CCDC9: variants seen among roughly 807,000 people sequenced by gnomAD.
CCDC9 encodes coiled-coil domain containing 9.
A neutral mutation model predicts 65.6 loss-of-function variants in CCDC9; 52 were observed. The observed-to-expected ratio is 0.79, with a 90% CI of 0.63 to 1.00. CCDC9 has a LOEUF of 1.00. Among genes scored for constraint, CCDC9 ranks in the 50% least tolerant of loss-of-function variants. The pLI is 0.00. For missense variants in CCDC9, 834 were observed against 757.2 expected (o/e 1.10, Z -1.19); for synonymous variants, 332 against 280.3 (o/e 1.18, Z -1.84).
At chr19:47,275,231 ACCCCAG>A (rs907999420), downstream of CCDC9, 22 of 1,531,262 alleles carry the variant, frequency 1.4e-5, no homozygotes, top group African/African-American at 3.1e-4. Flanking sequence ...GCGGGCCGCG[ACCCCAG>A]CTCCAGCTGC....
rs995210078 is a variant in CCDC9 at position 47,270,993 on chromosome 19, A to G, written c.1086-89A>G. 3.1e-6 allele frequency: 3 copies of G among 959,530 alleles called. No individual in the cohort carries two copies. The African/African-American group carries it at 5.0e-5, about 16-fold the overall frequency. The allele number at this position is 959,530 out of a possible 1,614,324, so 59.4% of individuals were successfully genotyped here. A position where few individuals can be genotyped will look rare whatever the true frequency, so the allele number is the denominator to read the frequency against. ...CTCCACCATGCCAGATGCTCTGGGC[A>G]GCTCCTCCCTAGGGAGGGTGGAGGC... On this transcript the variant is annotated intron_variant, in intron 10 of 11. Coordinates refer to ENST00000221922, the MANE Select transcript of CCDC9 (RefSeq NM_015603.3).
In CCDC9 at chr19:47,271,324, A is replaced by C. The variant is rs771224655; in HGVS notation, c.1242A>C (p.Glu414Asp). 6.2e-7 allele frequency: 1 copy of C among 1,612,352 alleles called. No homozygotes were observed. The highest frequency in any genetic ancestry group is 8.5e-7 in the Non-Finnish European group (1 of 1,179,220). ...PAHRPPEDEG[E>D]ENEGEEDEEW... The stretch of plus-strand genomic sequence containing the variant: ...ACCGGCCTCCTGAAGACGAGGGGGA[A>C]GAGAATGAGGGGGAAGAGGATGAAG... The change falls in exon 12 of 12, where the codon GAA becomes GAC. Residue 414 changes from glutamate to aspartate, a missense_variant. By Grantham distance (45) the Glu-to-Asp change is conservative. Coordinates refer to ENST00000221922, the MANE Select transcript of CCDC9 (RefSeq NM_015603.3).
At position 47,266,593 on chromosome 19, in the gene CCDC9, C is replaced by T; in HGVS notation, c.721-18C>T. 2 of 1,506,430 alleles carry T rather than the reference C, an allele frequency of 1.3e-6. No individual in the cohort carries two copies. The highest frequency in any genetic ancestry group is 8.9e-7 in the Non-Finnish European group (1 of 1,120,724). 93.3% of individuals were successfully genotyped at this position (1,506,430 alleles called of 1,614,324 possible). A position where few individuals can be genotyped will look rare whatever the true frequency, so the allele number is the denominator to read the frequency against. On this transcript the variant is annotated intron_variant, in intron 7 of 11. Transcript: ENST00000221922. ...GGGTGCGGGACATCACCCTGACTCC[C>T]TGTGGGCTGGGGGGCAGGGCCGCCG...
intron 5 of CCDC9, among the ~76,000 whole-genome samples, chr19:47,263,292 C>T (rs1226680865): frequency 6.6e-6 from 1 of 152,032 alleles, no homozygotes; most frequent in Non-Finnish European, 1.5e-5. Flanking sequence ...CAGTGGTTTG[C>T]TAGAAAGACT....
downstream of CCDC9, chr19:47,275,382 C>G (rs761642150): frequency 3.3e-6 from 5 of 1,526,908 alleles, no homozygotes; most frequent in African/African-American, 2.9e-5. Context: ...ATCGCCAGCC[C>G]TCGAGAGCTC....
Position 47,260,774 on chromosome 19 carries a change from C to G in CCDC9, c.397C>G (p.Arg133Gly). 1 of 1,612,174 alleles carries G rather than the reference C, an allele frequency of 6.2e-7. No homozygotes were observed. The highest frequency in any genetic ancestry group is 1.1e-5 in the South Asian group (1 of 90,982). ...AGCTGGGGGCCGTGGCCGGAGGGGC[C>G]GGGGCCGAGGTTCACCTCACCTCTC... ...GGAGGRGRRG[R>G]GRGSPHLSGA... Residue 133 changes from arginine (R) to glycine (G), a missense_variant, in exon 5 of 12, where the codon CGG becomes GGG. By Grantham distance (125) the Arg-to-Gly change is moderately radical. Coordinates refer to ENST00000221922, the MANE Select transcript of CCDC9 (RefSeq NM_015603.3).
rs565970591 is a variant in CCDC9 at position 47,256,536 on chromosome 19, C to G, written c.-145C>G. On this transcript the variant is annotated 5_prime_UTR_variant, in exon 1 of 12. Coordinates refer to ENST00000221922, the MANE Select transcript of CCDC9 (RefSeq NM_015603.3). ...CACGTGGTGCAGGCAGGAAGTGACGCGCCTGGCCCGGGAGCTGCGGTCGCA... is the reference window on the plus strand; with the variant it reads ...CACGTGGTGCAGGCAGGAAGTGACGGGCCTGGCCCGGGAGCTGCGGTCGCA... The G allele has an allele frequency of 6.6e-6, 1 of 152,490 alleles. No homozygotes were observed. Among genetic ancestry groups the G allele is most frequent in the Non-Finnish European group, 1.5e-5 (1 of 68,228 alleles). The allele number at this position is 152,490 out of a possible 1,614,324, so 9.4% of individuals were successfully genotyped here.
At chr19:47,267,089 C>T (rs200302406) in intron 8 of CCDC9, among the ~76,000 whole-genome samples, 45 of 151,628 alleles carry the variant, frequency 3.0e-4, no homozygotes, top group East Asian at 3.9e-4. Context: ...CTCAGCCTCC[C>T]GAATAGCTGG....
chr19:47,264,574 G>A, intron 5 of CCDC9, 29 bp from the exon 6 acceptor site: 2 of 1,561,332 alleles, frequency 1.3e-6, no homozygotes, highest in Non-Finnish European at 8.7e-7. Flanking sequence ...TCTCCCTGAA[G>A]CTGGGTGTCC....
Position 47,271,524 on chromosome 19 carries a change from A to G in CCDC9, c.1442A>G (p.Gln481Arg). 6.2e-7 allele frequency: 1 copy of G among 1,612,824 alleles called. No homozygotes were observed. The highest frequency in any genetic ancestry group is 8.5e-7 in the Non-Finnish European group (1 of 1,179,808). Residue 481 changes from glutamine (Q) to arginine (R), a missense_variant, in exon 12 of 12, where the codon CAG (glutamine) becomes CGG (arginine). Coordinates refer to ENST00000221922, the MANE Select transcript of CCDC9 (RefSeq NM_015603.3). Reference sequence around the variant, plus strand: ...CCGGAGGAGCCCCTGCTGGAGCCCCAGGCCCCTGGCACGCCTTCCAGCCCT... The same window carrying G: ...CCGGAGGAGCCCCTGCTGGAGCCCCGGGCCCCTGGCACGCCTTCCAGCCCT... The part of the protein sequence containing the change: ...FSPEEPLLEP[Q>R]APGTPSSPFS...
At position 47,260,670 on chromosome 19, in the gene CCDC9, A is replaced by G. The variant is rs767997819; in HGVS notation, c.293A>G (p.Gln98Arg). Reference sequence around the variant, plus strand: ...AGCAAGGGGGGCCGGACTCCTCCACAGCAGGGAGGCCGGGCCGGCATGGGC... The same window carrying G: ...AGCAAGGGGGGCCGGACTCCTCCACGGCAGGGAGGCCGGGCCGGCATGGGC... ...GASKGGRTPP[Q>R]QGGRAGMGRA... The change falls in exon 5 of 12, where the codon CAG becomes CGG. Residue 98 changes from glutamine (Q) to arginine (R), a missense_variant. Physicochemically the swap from Gln to Arg is conservative, Grantham distance 43. Transcript: ENST00000221922. 8.5e-6 allele frequency: 13 copies of G among 1,538,012 alleles called. No individual in the cohort carries two copies. The Admixed American group carries it at 2.5e-4, about 30-fold the overall frequency.
chr19:47,266,587 G>C lies in CCDC9; in HGVS notation c.721-24G>C, dbSNP rs757067315. 17 of 1,499,374 alleles carry C rather than the reference G, an allele frequency of 1.1e-5. No individual in the cohort carries two copies. In the African/African-American group the frequency reaches 2.4e-4, roughly 21 times the overall value. 92.9% of individuals were successfully genotyped at this position (1,499,374 alleles called of 1,614,324 possible). A position where few individuals can be genotyped will look rare whatever the true frequency, so the allele number is the denominator to read the frequency against. On this transcript the variant is annotated intron_variant, in intron 7 of 11. Transcript: ENST00000221922. ...GGGGTAGGGTGCGGGACATCACCCT[G>C]ACTCCCTGTGGGCTGGGGGGCAGGG...
At position 47,260,649 on chromosome 19, in the gene CCDC9, A is replaced by G; in HGVS notation, c.272A>G (p.Lys91Arg). 6 of 1,524,284 alleles carry G rather than the reference A, an allele frequency of 3.9e-6. No homozygotes were observed. Among genetic ancestry groups the G allele is most frequent in the Non-Finnish European group, 5.2e-6 (6 of 1,144,960 alleles). The allele number at this position is 1,524,284 out of a possible 1,614,324, so 94.4% of individuals were successfully genotyped here. A position where few individuals can be genotyped will look rare whatever the true frequency, so the allele number is the denominator to read the frequency against. ...ACCCCTCGGCCCCCAGGGGCCAGCA[A>G]GGGGGGCCGGACTCCTCCACAGCAG... ...PGTPRPPGAS[K>R]GGRTPPQQGG... Residue 91 changes from lysine to arginine, a missense_variant, in exon 5 of 12, where the codon AAG (lysine) becomes AGG (arginine). By Grantham distance (26) the Lys-to-Arg change is conservative. Coordinates refer to ENST00000221922, the MANE Select transcript of CCDC9 (RefSeq NM_015603.3).
chr19:47,270,497 CAG>C lies in CCDC9; in HGVS notation c.949+45_949+46del, dbSNP rs147599888. On this transcript the variant is annotated intron_variant, in intron 9 of 11. Transcript: ENST00000221922. ...ATGAGCTGAGGCTCGGTCTGGGAGT[CAG>C]GGGTGGTGTGTGCCACACCTTCCCT... 6.0e-5 allele frequency: 97 copies of C among 1,614,160 alleles called. No homozygotes were observed. In the East Asian group the frequency reaches 1.7e-3, roughly 29 times the overall value.
intron 3 of CCDC9, among the ~76,000 whole-genome samples, chr19:47,259,285 G>A (rs2059030132): frequency 6.6e-6 from 1 of 152,154 alleles, no homozygotes; most frequent in South Asian, 2.1e-4. Context: ...ATGCCACCAG[G>A]ATGAGTTTGG....
downstream of CCDC9, chr19:47,274,671 T>A (rs2059144756): frequency 2.3e-5 from 4 of 173,144 alleles, no homozygotes; most frequent in East Asian, 4.0e-4. Context: ...GTGGTGGGGC[T>A]AAGCGCGGGG....
chr19:47,270,083 C>T (rs549432870), intron 8 of CCDC9, among the ~76,000 whole-genome samples: 1 of 151,692 alleles, frequency 6.6e-6, no homozygotes, highest in African/African-American at 2.4e-5. Flanking sequence ...ATCCTCCCTC[C>T]TCAGCCTCCC....
rs770602056 is a variant in CCDC9, at chr19:47,260,866, C to T, written c.462+27C>T. 5.0e-6 allele frequency: 8 copies of T among 1,594,248 alleles called. No homozygotes were observed. In the South Asian group the frequency reaches 5.6e-5, roughly 11 times the overall value. ...TAGGAGCTAGGCAGCGCCTGGAGCC[C>T]TGGCTGAGGTTCTCTGTTGTCTGTT... is the stretch of plus-strand genomic sequence containing the variant. On this transcript the variant is annotated intron_variant, in intron 5 of 11. Transcript: ENST00000221922.
intron 3 of CCDC9, 65 bp from the exon 4 acceptor site, chr19:47,260,256 G>T (rs1313156544): frequency 8.4e-7 from 1 of 1,187,950 alleles, no homozygotes; most frequent in South Asian, 1.3e-5. Flanking sequence ...GGAGTTCAGG[G>T]GTCTGGGAGT....
Sources: allele counts gnomAD v4.1 joint callset (sites outside exome capture counted in the v4.1 genomes callset), GRCh38; gene constraint gnomAD v4.1.1; transcripts MANE v1.5; gene names NCBI Gene and HGNC (gene_info 2026-07-23, HGNC 2026-07-21).